RBFOX3: variants seen among roughly 807,000 people sequenced by gnomAD.
The protein encoded by RBFOX3 is RNA binding fox-1 homolog 3.
In RBFOX3, 17 loss-of-function variants were observed where a neutral mutation model predicts 48.7. That is an observed-to-expected ratio of 0.35 (90% confidence interval 0.24 to 0.52). The LOEUF is 0.52. RBFOX3 is among the 20% of genes least tolerant of loss of function. The pLI is 0.94. For synonymous variants in RBFOX3, 212 were observed against 209.5 expected (o/e 1.01, Z -0.10); for missense variants, 382 against 497.5 (o/e 0.77, Z 2.21).
chr17:79,393,636 C>T (rs1271656564), intron 2 of RBFOX3, among the ~76,000 whole-genome samples: 1 of 152,018 alleles, frequency 6.6e-6, no homozygotes, highest in African/African-American at 2.4e-5. Flanking sequence ...CATCAATGCA[C>T]ATCTGAGCCG....
chr17:79,150,050 G>GA (rs2044052471), intron 4 of RBFOX3, among the ~76,000 whole-genome samples: 1 of 17,990 alleles, frequency 5.6e-5, no homozygotes, highest in African/African-American at 1.6e-4. Context: ...GTGGGGGATG[G>GA]GGATGGGGGT....
At chr17:79,236,072 A>G (rs1017594956) in intron 3 of RBFOX3, among the ~76,000 whole-genome samples, 8 of 152,086 alleles carry the variant, frequency 5.3e-5, no homozygotes, top group Non-Finnish European at 7.4e-5. Context: ...TTTCAGACTC[A>G]TTTTCTCTGC....
intron 1 of RBFOX3, among the ~76,000 whole-genome samples, chr17:79,610,285 C>T (rs2093942161): frequency 1.3e-5 from 2 of 152,086 alleles, no homozygotes; most frequent in South Asian, 2.1e-4. Context: ...CTGGGTGCCG[C>T]GACAGACGCA....
At chr17:79,508,942 C>A (rs1365336388) in intron 1 of RBFOX3, 1 of 152,420 alleles carries the variant, frequency 6.6e-6, no homozygotes, top group Non-Finnish European at 1.5e-5. Flanking sequence ...AGACCACACC[C>A]CCAGTCCACA....
intron 4 of RBFOX3, among the ~76,000 whole-genome samples, chr17:79,165,189 G>A (rs1393388521): frequency 1.3e-5 from 2 of 152,164 alleles, no homozygotes; most frequent in Admixed American, 1.3e-4. Context: ...CTCTGGGCTG[G>A]CTTCCACCTC....
At chr17:79,553,824 C>A (rs1166806796) in intron 1 of RBFOX3, among the ~76,000 whole-genome samples, 1 of 152,126 alleles carries the variant, frequency 6.6e-6, no homozygotes, top group Non-Finnish European at 1.5e-5. Flanking sequence ...CCTCTGCCTC[C>A]TGGGTGCAAG....
rs895150617 is a variant in RBFOX3 at position 79,117,607 on chromosome 17, G to A, written c.-33-1859C>T. On this transcript the variant is annotated intron_variant, in intron 4 of 14. Transcript: ENST00000693108. ...GGCAGTGCCTCCCCTGGCTAAGGAG[G>A]AGCCCCTCATGTGCCCATGCTCCCT... Among the ~76,000 whole-genome samples the A allele has an allele frequency of 1.2e-4, 19 of 152,300 alleles. 1 individual carries two copies. Among genetic ancestry groups the A allele is most frequent in the African/African-American group, 4.6e-4 (19 of 41,566 alleles).
At chr17:79,130,507 G>A (rs1427886675) in intron 4 of RBFOX3, among the ~76,000 whole-genome samples, 5 of 152,120 alleles carry the variant, frequency 3.3e-5, no homozygotes, top group African/African-American at 9.7e-5. Flanking sequence ...TGCCAGGAGC[G>A]TGGATGTCCC....
chr17:79,493,845 C>T (rs1473475449), intron 1 of RBFOX3, among the ~76,000 whole-genome samples: 1 of 152,182 alleles, frequency 6.6e-6, no homozygotes, highest in Non-Finnish European at 1.5e-5. Context: ...AAACCACTTC[C>T]CTCCCCAAGT....
At chr17:79,315,594 C>A (rs2077430189) in intron 2 of RBFOX3, among the ~76,000 whole-genome samples, 1 of 152,260 alleles carries the variant, frequency 6.6e-6, no homozygotes, top group African/African-American at 2.4e-5. Flanking sequence ...GCTTTGATCT[C>A]ACACGGTTAC....
chr17:79,655,217 C>T, the RBFOX3 span, among the ~76,000 whole-genome samples: 2 of 152,166 alleles, frequency 1.3e-5, no homozygotes, highest in Non-Finnish European at 2.9e-5. Flanking sequence ...GAAGAGGGCA[C>T]AGGTCTGACC....
At chr17:79,308,639 C>T (rs1273934214) in intron 2 of RBFOX3, among the ~76,000 whole-genome samples, 1 of 152,062 alleles carries the variant, frequency 6.6e-6, no homozygotes, top group Non-Finnish European at 1.5e-5. Flanking sequence ...GAAGGTGGGG[C>T]CTTTGGTGGG....
intron 4 of RBFOX3, among the ~76,000 whole-genome samples, chr17:79,134,334 C>A (rs1354171934): frequency 6.6e-6 from 1 of 152,274 alleles, no homozygotes; most frequent in African/African-American, 2.4e-5. Context: ...ATGTATTCAT[C>A]ACTTGGGATC....
At chr17:79,176,147 C>T (rs907538327) in intron 4 of RBFOX3, among the ~76,000 whole-genome samples, 8 of 152,190 alleles carry the variant, frequency 5.3e-5, no homozygotes, top group East Asian at 1.9e-4. Context: ...GAGACGGTGA[C>T]GCCCCACCTC....
intron 1 of RBFOX3, chr17:79,600,442 G>A (rs917316356): frequency 3.3e-5 from 5 of 152,382 alleles, no homozygotes; most frequent in Admixed American, 6.5e-5. Flanking sequence ...CTGCTTGCAG[G>A]TGGGGGTCCA....
At chr17:79,493,534 A>G (rs1002638835) in intron 1 of RBFOX3, among the ~76,000 whole-genome samples, 10 of 152,176 alleles carry the variant, frequency 6.6e-5, no homozygotes, top group Middle Eastern at 3.4e-3. Context: ...TCCCACTCCC[A>G]GGGTCTTCGG....
chr17:79,401,595 A>G (rs2062814273), intron 2 of RBFOX3, among the ~76,000 whole-genome samples: 1 of 152,108 alleles, frequency 6.6e-6, no homozygotes, highest in African/African-American at 2.4e-5. Context: ...CTTTTGTTTC[A>G]CTTTTAAAGG....
chr17:79,101,579 C>G lies in RBFOX3; in HGVS notation c.568+5G>C, dbSNP rs1389594306. 4 of 1,550,826 alleles carry G rather than the reference C, an allele frequency of 2.6e-6. No homozygotes were observed. The highest frequency in any genetic ancestry group is 3.5e-6 in the Non-Finnish European group (4 of 1,146,720). ...GCAGCCTTGTGGGGGGACCCAGCCC[C>G]TTACCGTTGGTGTAGGGGTTCCCCG... On this transcript the variant is annotated splice_donor_5th_base_variant and intron_variant, in intron 9 of 14. Coordinates refer to ENST00000693108, the MANE Select transcript of RBFOX3 (RefSeq NM_001350451.2).
intron 3 of RBFOX3, among the ~76,000 whole-genome samples, chr17:79,280,174 T>A (rs200448167): frequency 1.2e-4 from 6 of 51,790 alleles, no homozygotes; most frequent in East Asian, 3.3e-3. Flanking sequence ...CACACACCAC[T>A]CACACACACA....
Sources: gnomAD v4.1 joint callset for allele counts (sites outside exome capture counted in the v4.1 genomes callset) on GRCh38, gnomAD v4.1.1 for gene constraint, MANE v1.5 for transcripts, NCBI Gene and HGNC (gene_info 2026-07-23, HGNC 2026-07-21) for gene names.